The following BEND6 variants were observed in gnomAD, a reference collection of about 807,000 sequenced individuals.
The protein encoded by BEND6 is BEN domain containing 6, also known as BEN domain-containing protein 6.
A neutral mutation model predicts 31.8 loss-of-function variants in BEND6; 24 were observed. The ratio of observed to expected loss-of-function variants is 0.75; its 90% confidence interval spans 0.55 to 1.06. The LOEUF is 1.06. Ranked by LOEUF, BEND6 falls within the 50% of genes least tolerant of loss-of-function variation. BEND6 has a pLI of 0.00. For missense variants in BEND6, 294 were observed against 327.4 expected, an observed-to-expected ratio of 0.90 and a Z score of 0.79; for synonymous variants, 109 against 114.6, an observed-to-expected ratio of 0.95 and a Z score of 0.31.
intron 3 of BEND6, among the ~76,000 whole-genome samples, chr6:56,998,512 T>C (rs1381654264): frequency 6.6e-6 from 1 of 152,140 alleles, no homozygotes; most frequent in Non-Finnish European, 1.5e-5. Flanking sequence ...ATTGTCAGTA[T>C]TTATCATGTG....
In BEND6 at chr6:57,017,354, G is replaced by A. The variant is rs765741139; in HGVS notation, c.667G>A (p.Ala223Thr). ...AAAATCCTCTACTTCAAGGGACAAA[G>A]CTGTAAAACCAGCTATGAATCAGAA... ...GAKSSTSRDK[A>T]VKPAMNQNEV... The change falls in exon 5 of 7, where the codon GCT (alanine) becomes ACT (threonine). Residue 223 changes from alanine to threonine, a missense_variant. Transcript: ENST00000370746. 1 of 1,395,368 alleles carries A rather than the reference G, an allele frequency of 7.2e-7. No homozygotes were observed. Among genetic ancestry groups the A allele is most frequent in the South Asian group, 2.0e-5 (1 of 50,728 alleles). The allele number at this position is 1,395,368 out of a possible 1,614,324, so 86.4% of individuals were successfully genotyped here. A position where few individuals can be genotyped will look rare whatever the true frequency, so the allele number is the denominator to read the frequency against.
intron 6 of BEND6, among the ~76,000 whole-genome samples, chr6:57,020,277 ATT>A (rs1247013962): frequency 3.1e-4 from 41 of 130,792 alleles, no homozygotes; most frequent in Non-Finnish European, 3.2e-4. Flanking sequence ...CAAGTTCTCT[ATT>A]TTTTTTTTTT....
chr6:57,015,073 T>C lies in BEND6; in HGVS notation c.299-60T>C, dbSNP rs80252771. On this transcript the variant is annotated intron_variant, in intron 3 of 6. Transcript: ENST00000370746. ...TGCACATACACTCAACAAAAAAATA[T>C]GTACATATGCACCTATTATCAATGG... is the stretch of plus-strand genomic sequence containing the variant. 6,216 of 1,416,000 alleles carry C rather than the reference T, an allele frequency of 4.4e-3. 226 individuals are homozygous for C. In the African/African-American group the frequency reaches 0.073, roughly 17 times the overall value. 87.7% of individuals were successfully genotyped at this position (1,416,000 alleles called of 1,614,324 possible). A position where few individuals can be genotyped will look rare whatever the true frequency, so the allele number is the denominator to read the frequency against.
At chr6:56,972,326 C>T (rs545628502) in intron 1 of BEND6, among the ~76,000 whole-genome samples, 1 of 152,200 alleles carries the variant, frequency 6.6e-6, no homozygotes, top group Admixed American at 6.5e-5. Flanking sequence ...AACCTCTGAG[C>T]TCAAGTGGTC....
At chr6:56,964,615 G>A (rs1008439425) in intron 1 of BEND6, among the ~76,000 whole-genome samples, 1 of 151,942 alleles carries the variant, frequency 6.6e-6, no homozygotes, top group Non-Finnish European at 1.5e-5. Context: ...AATCCTCCTG[G>A]CATAACCTCC....
At position 56,992,542 on chromosome 6, in the gene BEND6, G is replaced by A; in HGVS notation, c.285G>A (p.Leu95=). ...RKENSRLRQS[L]VMLQVLPQAV... ...AAAACAGCCGACTTCGACAGTCTTT[G>A]GTCATGCTTCAAGGTAAACTTTGAG... Residue 95 remains leucine, a synonymous_variant, in exon 3 of 7, where the codon TTG becomes TTA. Transcript: ENST00000370746. The A allele has an allele frequency of 1.9e-6, 3 of 1,611,266 alleles. No individual in the cohort carries two copies. The highest frequency in any genetic ancestry group is 2.5e-6 in the Non-Finnish European group (3 of 1,179,366).
chr6:56,985,891 A>C (rs952073749), intron 2 of BEND6, among the ~76,000 whole-genome samples: 1 of 152,138 alleles, frequency 6.6e-6, no homozygotes, highest in Non-Finnish European at 1.5e-5. Flanking sequence ...AGATATTACA[A>C]ATATATTCTC....
intron 1 of BEND6, among the ~76,000 whole-genome samples, chr6:56,957,049 C>T (rs1381711203): frequency 6.6e-6 from 1 of 152,186 alleles, no homozygotes; most frequent in Non-Finnish European, 1.5e-5. Flanking sequence ...TATCCTTGAA[C>T]AGAAACATGT....
intron 1 of BEND6, among the ~76,000 whole-genome samples, chr6:56,980,190 A>AT (rs1436689017): frequency 6.6e-6 from 1 of 151,786 alleles, no homozygotes; most frequent in Non-Finnish European, 1.5e-5. Context: ...GCTTTTGTGG[A>AT]TTTTTTTCTT....
chr6:56,969,073 C>CAA (rs56383552), intron 1 of BEND6, among the ~76,000 whole-genome samples: 3 of 130,510 alleles, frequency 2.3e-5, no homozygotes, highest in Non-Finnish European at 3.3e-5. Context: ...GACTCTGTCT[C>CAA]AAAAAAAAAA....
chr6:56,967,709 A>G (rs1825535649), intron 1 of BEND6, among the ~76,000 whole-genome samples: 1 of 152,194 alleles, frequency 6.6e-6, no homozygotes, highest in Non-Finnish European at 1.5e-5. Context: ...CTACAGGGCA[A>G]ACTTAGGCAA....
At chr6:56,963,924 A>T (rs1825374881) in intron 1 of BEND6, among the ~76,000 whole-genome samples, 1 of 147,828 alleles carries the variant, frequency 6.8e-6, no homozygotes, top group African/African-American at 2.4e-5. Flanking sequence ...ATACTTCGTT[A>T]TAAAATAAAA....
chr6:57,009,855 C>T (rs1827285609), intron 3 of BEND6: 1 of 152,202 alleles, frequency 6.6e-6, no homozygotes, highest in South Asian at 2.1e-4. Context: ...AAACAACCAA[C>T]TCATAATTTT....
rs550530864 is a variant in BEND6 at position 56,970,149 on chromosome 6, C to CA, written c.-100-11554dup. Among the ~76,000 whole-genome samples the CA allele has an allele frequency of 5.9e-5, 9 of 151,526 alleles. 1 individual carries two copies. The East Asian group carries it at 1.2e-3, about 20-fold the overall frequency. On this transcript the variant is annotated intron_variant, in intron 1 of 6. Coordinates refer to ENST00000370746, the MANE Select transcript of BEND6 (RefSeq NM_152731.3). ...AAAATGTATTTTTTACTGTAACAGT[C>CA]AAAAAAAATTTAAAGCTCTTGGCTT... is the stretch of plus-strand genomic sequence containing the variant.
At chr6:56,986,653 C>T (rs1202979711) in intron 2 of BEND6, among the ~76,000 whole-genome samples, 3 of 152,174 alleles carry the variant, frequency 2.0e-5, no homozygotes, top group Non-Finnish European at 4.4e-5. Flanking sequence ...ATTTAAGTCA[C>T]TTCAGGATTT....
In BEND6 at chr6:57,008,276, G is replaced by A. The variant is rs755079939; in HGVS notation, c.299-6857G>A. The stretch of plus-strand genomic sequence containing the variant: ...ATCTCAGATACGGGTCCTGGTGCTA[G>A]GAATCAAAGACTGTCTCTATTATTT... On this transcript the variant is annotated intron_variant, in intron 3 of 6. Transcript: ENST00000370746. 5.0e-5 allele frequency: 35 copies of A among 702,026 alleles called. No individual in the cohort carries two copies. In the African/African-American group the frequency reaches 5.8e-4, roughly 12 times the overall value. 43.5% of individuals were successfully genotyped at this position (702,026 alleles called of 1,614,324 possible).
At chr6:57,007,858 G>A (rs1037791375) in intron 3 of BEND6, among the ~76,000 whole-genome samples, 1 of 152,148 alleles carries the variant, frequency 6.6e-6, no homozygotes, top group African/African-American at 2.4e-5. Context: ...GTCCAGCTGT[G>A]TTTTCTGGAG....
At chr6:56,982,060 G>A (rs1826091870) in intron 2 of BEND6, 130 bp downstream of exon 2, 3 of 1,106,254 alleles carry the variant, frequency 2.7e-6, no homozygotes, top group Non-Finnish European at 3.7e-6. Flanking sequence ...ATTCAATGGA[G>A]AAAATATAAT....
chr6:56,955,954 T>C (rs1392629499), intron 1 of BEND6, among the ~76,000 whole-genome samples: 1 of 152,226 alleles, frequency 6.6e-6, no homozygotes, highest in Non-Finnish European at 1.5e-5. Flanking sequence ...ACTGATGCAA[T>C]GCCAGCACGG....
Sources: gnomAD v4.1 joint callset for allele counts (sites outside exome capture counted in the v4.1 genomes callset) on GRCh38, gnomAD v4.1.1 for gene constraint, MANE v1.5 for transcripts, NCBI Gene and HGNC (gene_info 2026-07-23, HGNC 2026-07-21) for gene names.